VSIR: variants seen among roughly 807,000 people sequenced by gnomAD.
The protein encoded by VSIR is V-set immunoregulatory receptor, also known as V-type immunoglobulin domain-containing suppressor of T-cell activation.
VSIR carries 10 observed loss-of-function variants against 31.0 expected under a neutral mutation model. That is an observed-to-expected ratio of 0.32 (90% CI 0.20 to 0.55). The LOEUF (loss-of-function observed/expected upper bound fraction) is 0.55. Ranked by LOEUF, VSIR falls within the 20% of genes least tolerant of loss-of-function variation. The pLI, the probability that VSIR is intolerant of heterozygous loss-of-function variation, is 0.93. For missense variants in VSIR, 356 were observed against 416.2 expected (o/e 0.86, Z 1.26); for synonymous variants, 179 against 180.1 (o/e 0.99, Z 0.05).
In VSIR at chr10:71,751,010, A is replaced by G. The variant is rs1839984294; in HGVS notation, c.*243T>C. On this transcript the variant is annotated 3_prime_UTR_variant, in exon 7 of 7. Transcript: ENST00000394957. The surrounding 1 kb of genome is among the most constrained non-coding windows in gnomAD (Gnocchi z 4.9). ...TTGGCATCTGTAGCTGGTGAATTTC[A>G]GGTCTCTAGGGGAGAATCTCAGCAC... 4.3e-6 allele frequency: 2 copies of G among 466,206 alleles called. No homozygotes were observed. Among genetic ancestry groups the G allele is most frequent in the Non-Finnish European group, 7.7e-6 (2 of 260,034 alleles). The allele number at this position is 466,206 out of a possible 1,614,324, so 28.9% of individuals were successfully genotyped here.
At chr10:71,764,489 T>C (rs1416243491) in intron 1 of VSIR, among the ~76,000 whole-genome samples, 1 of 152,166 alleles carries the variant, frequency 6.6e-6, no homozygotes, top group Non-Finnish European at 1.5e-5. Context: ...TCTTTTTAAT[T>C]TTCTTGAGAT....
At chr10:71,754,474 G>A (rs1244838813) in intron 4 of VSIR, among the ~76,000 whole-genome samples, 1 of 152,208 alleles carries the variant, frequency 6.6e-6, no homozygotes, top group African/African-American at 2.4e-5. Flanking sequence ...AGAGGCCAGG[G>A]AGGGGAGGCA....
rs74972169 is a variant in VSIR at position 71,753,185 on chromosome 10, G to A, written c.677-183C>T. On this transcript the variant is annotated intron_variant, in intron 4 of 6. Coordinates refer to ENST00000394957, the MANE Select transcript of VSIR (RefSeq NM_022153.2). ...AGCAAGCGATCTGCGTGTCTGTCCA[G>A]CAGATGGGGCCTCCATGAGGGGCCC... 4.8e-3 allele frequency among the ~76,000 whole-genome samples: 737 copies of A among 152,336 alleles called. 7 individuals are homozygous for A. The highest frequency in any genetic ancestry group is 0.017 in the African/African-American group (704 of 41,584).
Position 71,750,498 on chromosome 10 carries a change from C to G in VSIR, c.*755G>C, listed in dbSNP as rs1839969250. 6.6e-6 allele frequency: 1 copy of G among 152,322 alleles called. No individual in the cohort carries two copies. Among genetic ancestry groups the G allele is most frequent in the South Asian group, 2.1e-4 (1 of 4,842 alleles). The allele number at this position is 152,322 out of a possible 1,614,324, so 9.4% of individuals were successfully genotyped here. A position where few individuals can be genotyped will look rare whatever the true frequency, so the allele number is the denominator to read the frequency against. ...CCTTCCCAGAAGGCCCCACCCACCTCCCTCAGCACCATCTCCAGTGGGTGG... is the reference window on the plus strand; with the variant it reads ...CCTTCCCAGAAGGCCCCACCCACCTGCCTCAGCACCATCTCCAGTGGGTGG... On this transcript the variant is annotated 3_prime_UTR_variant, in exon 7 of 7. Coordinates refer to ENST00000394957, the MANE Select transcript of VSIR (RefSeq NM_022153.2).
rs1399837588 is a variant in VSIR, at chr10:71,750,996, A to G, written c.*257T>C. On this transcript the variant is annotated 3_prime_UTR_variant, in exon 7 of 7. Transcript: ENST00000394957. ...AAGATGTAAGTCATTTGGCATCTGTAGCTGGTGAATTTCAGGTCTCTAGGG... is the reference window on the plus strand; with the variant it reads ...AAGATGTAAGTCATTTGGCATCTGTGGCTGGTGAATTTCAGGTCTCTAGGG... 11 of 454,662 alleles carry G rather than the reference A, an allele frequency of 2.4e-5. No individual in the cohort carries two copies. Among genetic ancestry groups the G allele is most frequent in the Non-Finnish European group, 4.3e-5 (11 of 254,082 alleles). 28.2% of individuals were successfully genotyped at this position (454,662 alleles called of 1,614,324 possible).
rs1840318674 is a variant in VSIR, at chr10:71,760,177, G to GTGTGTATATATATGTATATACATATATA, written c.568+663_568+690dup. 8.8e-5 allele frequency among the ~76,000 whole-genome samples: 2 copies of GTGTGTATATATATGTATATACATATATA among 22,646 alleles called. 1 individual carries two copies. The highest frequency in any genetic ancestry group is 2.2e-4 in the Non-Finnish European group (2 of 9,192). 14.9% of individuals were successfully genotyped at this position (22,646 alleles called of 152,430 possible). A position where few individuals can be genotyped will look rare whatever the true frequency, so the allele number is the denominator to read the frequency against. Reference sequence around the variant, plus strand: ...TATATATATGTATATACATATATATGTGTGTATATATATGTATATACATAT... The same window carrying GTGTGTATATATATGTATATACATATATA: ...TATATATATGTATATACATATATATGTGTGTATATATATGTATATACATATATATGTGTATATATATGTATATACATAT... On this transcript the variant is annotated intron_variant, in intron 3 of 6. Coordinates refer to ENST00000394957, the MANE Select transcript of VSIR (RefSeq NM_022153.2).
Position 71,751,255 on chromosome 10 carries a change from A to G in VSIR, c.934T>C (p.Ter312GlnextTer18), listed in dbSNP as rs1564774557. The change falls in exon 7 of 7, where the codon TAG becomes CAG. Residue 312 changes from the stop codon to glutamine, a stop_lost. Coordinates refer to ENST00000394957, the MANE Select transcript of VSIR (RefSeq NM_022153.2). The surrounding 1 kb of genome is among the most constrained non-coding windows in gnomAD (Gnocchi z 4.9). ...VPDSPNFEVI[*>Q] ...CAGCCCACTGTCCCCCAGCTGGGCTAGATGACCTCAAAGTTTGGAGAGTCA... is the reference window on the plus strand; with the variant it reads ...CAGCCCACTGTCCCCCAGCTGGGCTGGATGACCTCAAAGTTTGGAGAGTCA... The G allele has an allele frequency of 1.2e-6, 2 of 1,609,394 alleles. No individual in the cohort carries two copies.
Position 71,759,130 on chromosome 10 carries a change from C to T in VSIR, c.568+1738G>A, listed in dbSNP as rs147940584. Among the ~76,000 whole-genome samples the T allele has an allele frequency of 3.2e-3, 480 of 152,088 alleles. 5 individuals are homozygous for T. The highest frequency in any genetic ancestry group is 0.011 in the African/African-American group (458 of 41,490). On this transcript the variant is annotated intron_variant, in intron 3 of 6. Transcript: ENST00000394957. Reference sequence around the variant, plus strand: ...TCGGCTCACTGTAACCTCTGACTCCCGGGTTCAAGCGATTCTCTTGCCTCA... The same window carrying T: ...TCGGCTCACTGTAACCTCTGACTCCTGGGTTCAAGCGATTCTCTTGCCTCA...
At chr10:71,757,795 G>T in intron 3 of VSIR, among the ~76,000 whole-genome samples, 1 of 152,166 alleles carries the variant, frequency 6.6e-6, no homozygotes, top group Non-Finnish European at 1.5e-5. Context: ...TGGTTTCCCA[G>T]GGAGGAAGCT....
At chr10:71,770,305 C>A (rs1201888120) in intron 1 of VSIR, among the ~76,000 whole-genome samples, 1 of 152,216 alleles carries the variant, frequency 6.6e-6, no homozygotes, top group Non-Finnish European at 1.5e-5. Flanking sequence ...CATCTTCCCA[C>A]TTTAGAGGGA....
chr10:71,760,826 G>A, intron 3 of VSIR, 42 bp downstream of exon 3: 1 of 1,586,072 alleles, frequency 6.3e-7, no homozygotes, highest in Non-Finnish European at 8.7e-7. Context: ...GAGGACAGAA[G>A]AAAACAGAGA....
intron 2 of VSIR, 100 bp from the exon 3 acceptor site, chr10:71,761,024 G>A (rs1057074776): frequency 1.1e-5 from 13 of 1,199,724 alleles, no homozygotes; most frequent in African/African-American, 6.0e-5. Context: ...AGGTTCTCAC[G>A]CTAGTGCCTA....
rs200189378 is a variant in VSIR, at chr10:71,760,848, G to T, written c.568+20C>A. On this transcript the variant is annotated intron_variant, in intron 3 of 6. Coordinates refer to ENST00000394957, the MANE Select transcript of VSIR (RefSeq NM_022153.2). ...GAAGAAAACAGAGAACCCAAAAGGG[G>T]CAAGAGGTTGGTCCCTTACTTTCAC... 1.4e-4 allele frequency: 230 copies of T among 1,607,918 alleles called. No individual in the cohort carries two copies. Among genetic ancestry groups the T allele is most frequent in the Middle Eastern group, 3.3e-4 (2 of 6,068 alleles).
chr10:71,754,241 G>A (rs568903140), intron 4 of VSIR, among the ~76,000 whole-genome samples: 29 of 152,272 alleles, frequency 1.9e-4, no homozygotes, highest in African/African-American at 6.7e-4. Context: ...GTAGGTTGTG[G>A]TGTGTTCTAG....
intron 5 of VSIR, 61 bp downstream of exon 5, chr10:71,752,914 G>T (rs1465400972): frequency 6.3e-7 from 1 of 1,586,144 alleles, no homozygotes; most frequent in Admixed American, 1.7e-5. Context: ...CTGCACAGAA[G>T]TATCTCTTCC....
At chr10:71,766,625 T>G (rs1840551801) in intron 1 of VSIR, among the ~76,000 whole-genome samples, 1 of 152,176 alleles carries the variant, frequency 6.6e-6, no homozygotes, top group East Asian at 1.9e-4. Flanking sequence ...CTTATGACCA[T>G]GTATTATGTG....
chr10:71,761,881 C>T lies in VSIR; in HGVS notation c.228G>A (p.Ser76=), dbSNP rs141749370. ...CTGAGCAGGTCTGCACCTCGCCCCT[C>T]GAGCTGCGGTACCACGTCTTGTAGA... ...VTFYKTWYRS[S]RGEVQTCSER... The change falls in exon 2 of 7, where the codon TCG becomes TCA. Residue 76 remains serine, a synonymous_variant. Transcript: ENST00000394957. 16 of 1,613,972 alleles carry T rather than the reference C, an allele frequency of 9.9e-6. No individual in the cohort carries two copies. Among genetic ancestry groups the T allele is most frequent in the Middle Eastern group, 1.6e-4 (1 of 6,084 alleles).
At chr10:71,773,266 G>A (rs1415195226) in intron 1 of VSIR, 92 bp downstream of exon 1, 2 of 1,398,636 alleles carry the variant, frequency 1.4e-6, no homozygotes, top group Non-Finnish European at 2.0e-6. Context: ...CAGGCTGAGA[G>A]GGCCCCCAGG....
chr10:71,760,088 C>CACATAT lies in VSIR; in HGVS notation c.568+779_568+780insATATGT, dbSNP rs1564779813. On this transcript the variant is annotated intron_variant, in intron 3 of 6. Transcript: ENST00000394957. ...ACACACACACATATATATACACACA[C>CACATAT]ATATACACACACACATACATACATA... Among the ~76,000 whole-genome samples, 79 of 125,766 alleles carry CACATAT rather than the reference C, an allele frequency of 6.3e-4. 5 individuals are homozygous for CACATAT. The highest frequency in any genetic ancestry group is 2.2e-3 in the African/African-American group (78 of 35,292). 82.5% of individuals were successfully genotyped at this position (125,766 alleles called of 152,430 possible). A position where few individuals can be genotyped will look rare whatever the true frequency, so the allele number is the denominator to read the frequency against.
Sources: allele counts gnomAD v4.1 joint callset (sites outside exome capture counted in the v4.1 genomes callset), GRCh38; gene constraint gnomAD v4.1.1; non-coding constraint Gnocchi (gnomAD v3.1); transcripts MANE v1.5; gene names NCBI Gene and HGNC (gene_info 2026-07-23, HGNC 2026-07-21).